The following PEX14 variants were observed in gnomAD, a reference collection of about 807,000 sequenced individuals.
PEX14 encodes the protein peroxisomal biogenesis factor 14, also known as peroxisomal membrane protein PEX14.
In PEX14, 15 loss-of-function variants were observed where a neutral mutation model predicts 49.5. The observed-to-expected ratio is 0.30, with a 90% CI of 0.20 to 0.47. The LOEUF is 0.47. Ranked by LOEUF, PEX14 falls within the 20% of genes least tolerant of loss-of-function variation. The pLI is 1.00. For synonymous variants in PEX14, 210 were observed against 212.7 expected, an observed-to-expected ratio of 0.99 and a Z score of 0.11; for missense variants, 398 against 494.8, an observed-to-expected ratio of 0.80 and a Z score of 1.86.
At chr1:10,610,739 C>T (rs370273979) in intron 4 of PEX14, among the ~76,000 whole-genome samples, 80 of 152,282 alleles carry the variant, frequency 5.3e-4, no homozygotes, top group East Asian at 3.3e-3. Context: ...GTGATCCGTC[C>T]GCCTTGGCCT....
rs562084634 is a variant in PEX14 at position 10,495,190 on chromosome 1, C to T, written c.37-84C>T. The T allele has an allele frequency of 5.1e-5, 80 of 1,570,218 alleles. No homozygotes were observed. In the South Asian group the frequency reaches 7.7e-4, roughly 15 times the overall value. ...GTGAGAAAGAGGTGCCAGCGTGCAT[C>T]GTTTGAGAACGGAACATCTTTGGTT... On this transcript the variant is annotated intron_variant, in intron 1 of 8. Transcript: ENST00000356607. This position sits in a 1 kb window ranked among gnomAD's most constrained non-coding sequence, Gnocchi z 4.2.
intron 4 of PEX14, among the ~76,000 whole-genome samples, chr1:10,616,159 CT>C (rs1378667457): frequency 6.6e-6 from 1 of 152,154 alleles, no homozygotes. Flanking sequence ...TCTCTGCCCC[CT>C]GAGAGTGCCA....
chr1:10,486,501 G>A (rs1379549742), intron 1 of PEX14, among the ~76,000 whole-genome samples: 3 of 151,648 alleles, frequency 2.0e-5, no homozygotes, highest in African/African-American at 7.3e-5. Context: ...GCAACATAGC[G>A]AGGCTCTGTC....
intron 2 of PEX14, among the ~76,000 whole-genome samples, chr1:10,503,295 AAAAAAAAAAAAG>A (rs1450077957): frequency 1.4e-5 from 2 of 147,484 alleles, no homozygotes; most frequent in East Asian, 4.0e-4. Flanking sequence ...AAAAAAAAAA[AAAAAAAAAAAAG>A]AAAGAAAGAA....
chr1:10,511,083 CA>C (rs1641875033), intron 2 of PEX14, among the ~76,000 whole-genome samples: 1 of 140,088 alleles, frequency 7.1e-6, no homozygotes, highest in African/African-American at 2.5e-5. Flanking sequence ...AATGTGCAGG[CA>C]GCAGAGCTGC....
At chr1:10,570,578 C>T (rs554859724) in intron 3 of PEX14, among the ~76,000 whole-genome samples, 11 of 152,210 alleles carry the variant, frequency 7.2e-5, no homozygotes, top group African/African-American at 2.2e-4. Flanking sequence ...GTGATCCGCC[C>T]GCCTCAGCCT....
At chr1:10,593,550 T>C (rs753569150) in intron 3 of PEX14, among the ~76,000 whole-genome samples, 1 of 152,186 alleles carries the variant, frequency 6.6e-6, no homozygotes, top group Non-Finnish European at 1.5e-5. Context: ...ATAAAAACTC[T>C]TGCATTCAGG....
intron 5 of PEX14, among the ~76,000 whole-genome samples, chr1:10,621,732 G>A (rs1407468781): frequency 6.6e-6 from 1 of 152,156 alleles, no homozygotes; most frequent in African/African-American, 2.4e-5. Flanking sequence ...GTGGGTAATA[G>A]CTCACACTGT....
intron 3 of PEX14, among the ~76,000 whole-genome samples, chr1:10,573,323 G>A (rs912484912): frequency 6.6e-6 from 1 of 152,178 alleles, no homozygotes; most frequent in South Asian, 2.1e-4. Context: ...CAGGCTGGGC[G>A]CAGTAGCTCA....
intron 1 of PEX14, among the ~76,000 whole-genome samples, chr1:10,493,955 C>T (rs1641514245): frequency 1.3e-5 from 2 of 152,194 alleles, no homozygotes; most frequent in South Asian, 2.1e-4. Context: ...ATGTGTATCT[C>T]AGAGGGGTGT....
intron 4 of PEX14, among the ~76,000 whole-genome samples, chr1:10,607,845 T>A (rs1442250220): frequency 6.6e-6 from 1 of 152,242 alleles, no homozygotes; most frequent in African/African-American, 2.4e-5. Context: ...TTTCCTAACA[T>A]TACCTTTTGA....
intron 3 of PEX14, among the ~76,000 whole-genome samples, chr1:10,548,304 TCTG>T (rs1432409227): frequency 2.0e-5 from 3 of 152,210 alleles, no homozygotes; most frequent in Non-Finnish European, 4.4e-5. Flanking sequence ...ATGAGATTTA[TCTG>T]CTAAGGGTAG....
intron 3 of PEX14, among the ~76,000 whole-genome samples, chr1:10,557,666 C>T (rs1381878091): frequency 1.3e-5 from 2 of 152,182 alleles, no homozygotes; most frequent in Non-Finnish European, 2.9e-5. Flanking sequence ...ATGTACATTG[C>T]TAACCTGTGC....
intron 1 of PEX14, among the ~76,000 whole-genome samples, chr1:10,490,073 A>G (rs1464448823): frequency 1.3e-5 from 2 of 152,158 alleles, no homozygotes; most frequent in African/African-American, 4.8e-5. Flanking sequence ...CTAATCCCAA[A>G]TGTGAGGTGG....
At chr1:10,587,877 T>C (rs1640541777) in intron 3 of PEX14, among the ~76,000 whole-genome samples, 1 of 139,092 alleles carries the variant, frequency 7.2e-6, no homozygotes, top group Non-Finnish European at 1.5e-5. Context: ...CGGACACACA[T>C]ATGTATACAC....
chr1:10,547,178 G>A (rs1016961459), intron 3 of PEX14, among the ~76,000 whole-genome samples: 1 of 152,214 alleles, frequency 6.6e-6, no homozygotes, highest in Non-Finnish European at 1.5e-5. Context: ...ACACTGGAAT[G>A]TGGGCTTGGC....
intron 1 of PEX14, among the ~76,000 whole-genome samples, chr1:10,493,481 G>A (rs969763840): frequency 1.8e-4 from 27 of 152,130 alleles, no homozygotes; most frequent in African/African-American, 6.3e-4. Flanking sequence ...GGGCTGGAGT[G>A]CAGTGGTGTG....
chr1:10,600,719 A>G (rs1162829692), intron 4 of PEX14, among the ~76,000 whole-genome samples: 1 of 152,122 alleles, frequency 6.6e-6, no homozygotes, highest in African/African-American at 2.4e-5. Context: ...CTCTGTCTCA[A>G]AAAAAATAAA....
At chr1:10,486,720 C>G (rs1355869676) in intron 1 of PEX14, among the ~76,000 whole-genome samples, 17 of 143,370 alleles carry the variant, frequency 1.2e-4, no homozygotes, top group African/African-American at 4.4e-4. Flanking sequence ...CAGACTCTTG[C>G]TCTGTCACCC....
Sources: gnomAD v4.1 joint callset for allele counts (sites outside exome capture counted in the v4.1 genomes callset) on GRCh38, gnomAD v4.1.1 for gene constraint, Gnocchi (gnomAD v3.1) non-coding constraint, MANE v1.5 for transcripts, NCBI Gene and HGNC (gene_info 2026-07-23, HGNC 2026-07-21) for gene names.